Variants in PRIM2 observed in about 807,000 individuals in gnomAD.
PRIM2 encodes the protein DNA primase subunit 2, also known as DNA primase large subunit.
In PRIM2, 39 loss-of-function variants were observed where a neutral mutation model predicts 67.3. That is an observed-to-expected ratio of 0.58 (90% CI 0.45 to 0.76). The LOEUF is 0.76. PRIM2 is among the 30% of genes least tolerant of loss of function. PRIM2 has a pLI of 0.00. For missense variants in PRIM2, 398 were observed against 598.7 expected, an observed-to-expected ratio of 0.66 and a Z score of 3.50; for synonymous variants, 143 against 198.7, an observed-to-expected ratio of 0.72 and a Z score of 2.36.
upstream of PRIM2, among the ~76,000 whole-genome samples, chr6:57,310,945 C>T (rs1767370741): frequency 1.4e-5 from 2 of 142,838 alleles, no homozygotes; most frequent in African/African-American, 5.3e-5. Flanking sequence ...CGGGGAGGGG[C>T]CGGGCAGAGG....
At position 57,318,585 on chromosome 6, in the gene PRIM2, T is replaced by C. The variant is rs1767552026; in HGVS notation, c.140T>C (p.Ile47Thr). The C allele has an allele frequency of 6.4e-7, 1 of 1,564,392 alleles. No homozygotes were observed. The highest frequency in any genetic ancestry group is 1.4e-5 in the African/African-American group (1 of 73,674). ...TTAATAGAATTTGAAAACTTGGCTA[T>C]TGATAGAGTTAAATGTAAGTACTAT... ...ISLIEFENLA[I>T]DRVKLLKSVE... Residue 47 changes from isoleucine (I) to threonine (T), a missense_variant, in exon 2 of 14, where the codon ATT becomes ACT. Physicochemically the swap from Ile to Thr is moderately conservative, Grantham distance 89. This residue lies in a region of PRIM2 where 96 missense variants were observed against 98.3 expected (regional missense o/e 0.98). Coordinates refer to ENST00000615550, the MANE Select transcript of PRIM2 (RefSeq NM_000947.5).
chr6:57,469,869 C>T (rs1171305322), intron 7 of PRIM2, among the ~76,000 whole-genome samples: 1 of 152,144 alleles, frequency 6.6e-6, no homozygotes, highest in Non-Finnish European at 1.5e-5. Context: ...AGATCTCCAC[C>T]ACACAGAATT....
At chr6:57,574,160 A>T in intron 10 of PRIM2, among the ~76,000 whole-genome samples, 2 of 152,174 alleles carry the variant, frequency 1.3e-5, no homozygotes, top group Non-Finnish European at 2.9e-5. Flanking sequence ...CTTCATTTGC[A>T]TAAATAAGGT....
the PRIM2 span, among the ~76,000 whole-genome samples, chr6:57,250,678 C>T: frequency 1.3e-5 from 2 of 152,102 alleles, no homozygotes; most frequent in South Asian, 4.1e-4. Flanking sequence ...GAGTAAATAT[C>T]CTGAGGTGGG....
intron 7 of PRIM2, among the ~76,000 whole-genome samples, chr6:57,464,930 C>T (rs1439641475): frequency 1.3e-5 from 2 of 152,128 alleles, no homozygotes; most frequent in Admixed American, 6.5e-5. Flanking sequence ...AGTTGAGACT[C>T]AGAAATTTAA....
chr6:57,453,368 A>T (rs1261255498), intron 7 of PRIM2, among the ~76,000 whole-genome samples: 1 of 152,098 alleles, frequency 6.6e-6, no homozygotes, highest in Non-Finnish European at 1.5e-5. Context: ...TCTATAAATT[A>T]CCTTGGGCAG....
chr6:57,483,360 A>G (rs1773674934), intron 7 of PRIM2, among the ~76,000 whole-genome samples: 1 of 152,236 alleles, frequency 6.6e-6, no homozygotes, highest in Non-Finnish European at 1.5e-5. Context: ...AACAGCATTA[A>G]CAATATGTCT....
intron 10 of PRIM2, among the ~76,000 whole-genome samples, chr6:57,598,181 C>T (rs2127490627): frequency 6.6e-6 from 1 of 152,220 alleles, no homozygotes; most frequent in South Asian, 2.1e-4. Context: ...TGATGTGCTC[C>T]ACAGCCACTC....
the PRIM2 span, among the ~76,000 whole-genome samples, chr6:57,259,508 C>G: frequency 1.3e-5 from 2 of 152,052 alleles, no homozygotes; most frequent in Admixed American, 1.3e-4. Context: ...AGAGACATAC[C>G]TCATTTTTTT....
chr6:57,624,300 C>T (rs1776908338), intron 12 of PRIM2, among the ~76,000 whole-genome samples: 1 of 152,074 alleles, frequency 6.6e-6, no homozygotes, highest in African/African-American at 2.4e-5. Context: ...TCTAAGTTTA[C>T]TTAGTTGTTA....
chr6:57,621,314 G>A (rs1776849503), intron 12 of PRIM2, among the ~76,000 whole-genome samples: 1 of 152,024 alleles, frequency 6.6e-6, no homozygotes, highest in Non-Finnish European at 1.5e-5. Flanking sequence ...TCTTTATAAG[G>A]GCCTTAGTTC....
intron 7 of PRIM2, among the ~76,000 whole-genome samples, chr6:57,435,734 A>G (rs1455791095): frequency 1.3e-5 from 2 of 152,202 alleles, no homozygotes; most frequent in South Asian, 2.1e-4. Context: ...TCTATTGTCA[A>G]AGATAAACAT....
At chr6:57,287,309 G>A in the PRIM2 span, among the ~76,000 whole-genome samples, 5 of 152,232 alleles carry the variant, frequency 3.3e-5, no homozygotes, top group East Asian at 3.9e-4. Flanking sequence ...ACATGCACAC[G>A]TATGTTTATT....
intron 5 of PRIM2, among the ~76,000 whole-genome samples, chr6:57,378,890 AGTTT>A (rs1769865331): frequency 6.6e-6 from 1 of 152,076 alleles, no homozygotes; most frequent in African/African-American, 2.4e-5. Flanking sequence ...GTTCTACTGC[AGTTT>A]GTTTAACTAG....
chr6:57,259,423 A>G, the PRIM2 span, among the ~76,000 whole-genome samples: 2 of 152,212 alleles, frequency 1.3e-5, no homozygotes, highest in African/African-American at 4.8e-5. Context: ...CTAGGCTTGG[A>G]ACTGGCACAC....
the PRIM2 span, among the ~76,000 whole-genome samples, chr6:57,294,404 C>G: frequency 6.6e-6 from 1 of 152,090 alleles, no homozygotes; most frequent in African/African-American, 2.4e-5. Flanking sequence ...TCGCTTGAAC[C>G]CAGGAGGTGG....
At chr6:57,311,458 T>C (rs1371417036), upstream of PRIM2, among the ~76,000 whole-genome samples, 1 of 110,454 alleles carries the variant, frequency 9.1e-6, no homozygotes, top group Non-Finnish European at 1.9e-5. Flanking sequence ...TGCTCCTCAC[T>C]TCCTCCCAGA....
At chr6:57,437,384 C>T (rs1446106672) in intron 7 of PRIM2, among the ~76,000 whole-genome samples, 1 of 152,202 alleles carries the variant, frequency 6.6e-6, no homozygotes, top group Non-Finnish European at 1.5e-5. Context: ...ATCATTATTT[C>T]TCCCTACCTT....
intron 5 of PRIM2, among the ~76,000 whole-genome samples, chr6:57,355,296 T>A: frequency 1.2e-5 from 1 of 83,408 alleles, no homozygotes; most frequent in African/African-American, 5.6e-5. Context: ...AGCGAGACTC[T>A]GTCTCAAAAA....
Sources: allele counts gnomAD v4.1 joint callset (sites outside exome capture counted in the v4.1 genomes callset), GRCh38; gene constraint gnomAD v4.1.1; regional missense constraint gnomAD v4.1.1; transcripts MANE v1.5; gene names NCBI Gene and HGNC (gene_info 2026-07-23, HGNC 2026-07-21).